Variants in CSNK1G3 observed in about 807,000 individuals in gnomAD.
CSNK1G3 encodes the protein casein kinase I isoform gamma-3.
A neutral mutation model predicts 64.3 loss-of-function variants in CSNK1G3; 23 were observed. The ratio of observed to expected loss-of-function variants is 0.36; its 90% CI spans 0.26 to 0.51. CSNK1G3 has a LOEUF of 0.51. Among genes scored for constraint, CSNK1G3 ranks in the 20% least tolerant of loss-of-function variants. CSNK1G3 has a pLI of 0.96. For missense variants in CSNK1G3, 357 were observed against 510.5 expected, an observed-to-expected ratio of 0.70 and a Z score of 2.90; for synonymous variants, 158 against 162.2, an observed-to-expected ratio of 0.97 and a Z score of 0.20.
At chr5:123,521,731 A>G (rs1778144427) in intron 1 of CSNK1G3, among the ~76,000 whole-genome samples, 1 of 152,224 alleles carries the variant, frequency 6.6e-6, no homozygotes. Flanking sequence ...AAGATAGTTC[A>G]TGCAGTCCTT....
At chr5:123,591,254 C>A in intron 9 of CSNK1G3, 65 bp from the exon 10 acceptor site, 1 of 986,566 alleles carries the variant, frequency 1.0e-6, no homozygotes. Flanking sequence ...TTTTAAGCAG[C>A]TAAATGATTT....
chr5:123,548,273 A>T (rs1310864409), intron 2 of CSNK1G3, among the ~76,000 whole-genome samples: 1 of 152,112 alleles, frequency 6.6e-6, no homozygotes, highest in Non-Finnish European at 1.5e-5. Flanking sequence ...AGCCTCTGCA[A>T]CATAGTGAGA....
At chr5:123,598,523 A>G (rs751018092) in intron 10 of CSNK1G3, among the ~76,000 whole-genome samples, 14 of 152,174 alleles carry the variant, frequency 9.2e-5, no homozygotes, top group Non-Finnish European at 2.1e-4. Context: ...CTGAGACGTA[A>G]AGAATCAGTG....
At chr5:123,547,652 TTCTA>T (rs1369154389) in intron 2 of CSNK1G3, among the ~76,000 whole-genome samples, 8 of 152,162 alleles carry the variant, frequency 5.3e-5, no homozygotes, top group Non-Finnish European at 8.8e-5. Flanking sequence ...TGTCTGTCTA[TTCTA>T]TCTATCTAAT....
intron 6 of CSNK1G3, 149 bp downstream of exon 6, chr5:123,576,112 C>G: frequency 1.9e-6 from 1 of 538,830 alleles, no homozygotes; most frequent in South Asian, 3.1e-5. Flanking sequence ...TTTACTTTCA[C>G]TTATATTTTA....
chr5:123,576,177 A>G lies in CSNK1G3; in HGVS notation c.673+214A>G, dbSNP rs150356125. On this transcript the variant is annotated intron_variant, in intron 6 of 12. Coordinates refer to ENST00000345990, the Ensembl canonical transcript of CSNK1G3. ...GAGTAAATGAGTGACAGCTATCTTT[A>G]CATTCACTGTATTTTTTGTATTTAT... Among the ~76,000 whole-genome samples the G allele has an allele frequency of 3.0e-4, 46 of 152,278 alleles. 1 individual carries two copies. In the East Asian group the frequency reaches 7.1e-3, roughly 24 times the overall value.
chr5:123,593,589 T>C (rs888259376), intron 10 of CSNK1G3, among the ~76,000 whole-genome samples: 2 of 152,090 alleles, frequency 1.3e-5, no homozygotes, highest in Non-Finnish European at 2.9e-5. Flanking sequence ...CCTAGATGTT[T>C]GTCTCAATTT....
At chr5:123,611,303 G>A (rs991069892) in intron 12 of CSNK1G3, among the ~76,000 whole-genome samples, 2 of 152,220 alleles carry the variant, frequency 1.3e-5, no homozygotes, top group African/African-American at 4.8e-5. Context: ...GTCCTCTGGT[G>A]GTAGTAACTT....
rs187651873 is a variant in CSNK1G3, at chr5:123,537,578, G to A, written c.-247-7839G>A. On this transcript the variant is annotated intron_variant, in intron 1 of 12. Coordinates refer to ENST00000345990, the Ensembl canonical transcript of CSNK1G3. ...TGTACCCCATAGATTTGTACAAAAC[G>A]TAGCATAAAAGCTAAGTTTTATAGT... Among the ~76,000 whole-genome samples the A allele has an allele frequency of 9.2e-5, 14 of 152,230 alleles. No individual in the cohort carries two copies. In the East Asian group the frequency reaches 2.1e-3, roughly 23 times the overall value.
intron 2 of CSNK1G3, among the ~76,000 whole-genome samples, chr5:123,547,747 A>G (rs1782823086): frequency 6.6e-6 from 1 of 151,994 alleles, no homozygotes; most frequent in Non-Finnish European, 1.5e-5. Flanking sequence ...ATCTCTATAT[A>G]TCTGTGTTTT....
intron 11 of CSNK1G3, 39 bp downstream of exon 12, chr5:123,604,869 CTTAAA>C (rs1201819247): frequency 2.1e-6 from 3 of 1,437,604 alleles, no homozygotes; most frequent in Non-Finnish European, 2.9e-6. Context: ...ACTTTTTGTT[CTTAAA>C]TTATGCATGC....
At chr5:123,555,378 G>A (rs1784439367) in intron 3 of CSNK1G3, among the ~76,000 whole-genome samples, 1 of 152,098 alleles carries the variant, frequency 6.6e-6, no homozygotes, top group Non-Finnish European at 1.5e-5. Context: ...TGTTATATCT[G>A]TTTGTGCCAG....
chr5:123,601,335 T>C lies in CSNK1G3; in HGVS notation c.1087-3389T>C, dbSNP rs568270546. 7.7e-4 allele frequency among the ~76,000 whole-genome samples: 118 copies of C among 152,274 alleles called. 1 individual carries two copies. Among genetic ancestry groups the C allele is most frequent in the African/African-American group, 2.8e-3 (117 of 41,558 alleles). On this transcript the variant is annotated intron_variant, in intron 10 of 12. Coordinates refer to ENST00000345990, the Ensembl canonical transcript of CSNK1G3. ...TTTAATGCCATGATACACTCTCAAG[T>C]CACCGGTGTTAAATAGGCCAGTTTA...
chr5:123,514,415 A>G (rs1275744763), intron 1 of CSNK1G3, among the ~76,000 whole-genome samples: 1 of 152,240 alleles, frequency 6.6e-6, no homozygotes, highest in African/African-American at 2.4e-5. Context: ...AAGGACTGGA[A>G]TTAGTGGAAT....
intron 1 of CSNK1G3, among the ~76,000 whole-genome samples, chr5:123,543,328 G>C (rs1168109747): frequency 6.6e-6 from 1 of 151,988 alleles, no homozygotes; most frequent in African/African-American, 2.4e-5. Context: ...TGAATGCCTG[G>C]GATATTAGTG....
intron 6 of CSNK1G3, among the ~76,000 whole-genome samples, chr5:123,585,422 T>C (rs546185806): frequency 5.9e-5 from 9 of 152,120 alleles, no homozygotes; most frequent in Admixed American, 2.6e-4. Flanking sequence ...ATTTCCTAGA[T>C]TGGACATCAA....
chr5:123,536,927 C>CA (rs985045299), intron 1 of CSNK1G3, among the ~76,000 whole-genome samples: 2 of 151,960 alleles, frequency 1.3e-5, no homozygotes, highest in African/African-American at 2.4e-5. Flanking sequence ...ACTAAAAAGA[C>CA]AAAAAATCAC....
chr5:123,593,894 A>G (rs1297308885), intron 10 of CSNK1G3, among the ~76,000 whole-genome samples: 2 of 152,076 alleles, frequency 1.3e-5, no homozygotes, highest in Non-Finnish European at 2.9e-5. Flanking sequence ...CCATACTCCA[A>G]TATGCTTGGC....
intron 2 of CSNK1G3, among the ~76,000 whole-genome samples, chr5:123,550,074 T>G (rs1388170849): frequency 6.6e-6 from 1 of 152,242 alleles, no homozygotes; most frequent in Non-Finnish European, 1.5e-5. Flanking sequence ...ATCATTTTCA[T>G]GTTTATTGAT....
Sources: gnomAD v4.1 joint callset for allele counts (sites outside exome capture counted in the v4.1 genomes callset) on GRCh38, gnomAD v4.1.1 for gene constraint, MANE v1.5 for transcripts, NCBI Gene and HGNC (gene_info 2026-07-23, HGNC 2026-07-21) for gene names.